SLC8A1: variants seen among roughly 807,000 people sequenced by gnomAD.
SLC8A1 encodes the protein sodium/calcium exchanger 1.
SLC8A1 carries 18 observed loss-of-function variants against 68.3 expected under a neutral mutation model. The ratio of observed to expected loss-of-function variants is 0.26; its 90% CI spans 0.18 to 0.39. The LOEUF (loss-of-function observed/expected upper bound fraction) is 0.39, where lower values mean the gene tolerates loss of function less well. Ranked by LOEUF, SLC8A1 falls within the 10% of genes least tolerant of loss-of-function variation. The pLI is 1.00. For missense variants in SLC8A1, 985 were observed against 1,156.7 expected (o/e 0.85, Z 2.15); for synonymous variants, 475 against 415.5 (o/e 1.14, Z -1.74).
At chr2:40,350,909 G>A (rs1435183058) in intron 2 of SLC8A1, among the ~76,000 whole-genome samples, 1 of 152,018 alleles carries the variant, frequency 6.6e-6, no homozygotes, top group Non-Finnish European at 1.5e-5. Flanking sequence ...AGAAAATTGG[G>A]GCTTTAAGAG....
chr2:40,482,919 T>C (rs1704728811), intron 1 of SLC8A1, among the ~76,000 whole-genome samples: 1 of 150,338 alleles, frequency 6.7e-6, no homozygotes, highest in Admixed American at 6.6e-5. Flanking sequence ...GCCTCCCGAG[T>C]AGCTGGGACT....
intron 2 of SLC8A1, among the ~76,000 whole-genome samples, chr2:40,365,474 T>A (rs960447871): frequency 5.3e-5 from 8 of 152,088 alleles, no homozygotes; most frequent in Non-Finnish European, 1.0e-4. Flanking sequence ...ATTTCACTTT[T>A]CACCTAACAA....
intron 2 of SLC8A1, among the ~76,000 whole-genome samples, chr2:40,390,276 C>T (rs903907411): frequency 6.6e-6 from 1 of 152,062 alleles, no homozygotes; most frequent in African/African-American, 2.4e-5. Flanking sequence ...TTGCAATTGT[C>T]ACTTGGCTTG....
At chr2:40,161,222 A>G (rs1255850055) in intron 5 of SLC8A1, among the ~76,000 whole-genome samples, 1 of 152,208 alleles carries the variant, frequency 6.6e-6, no homozygotes, top group African/African-American at 2.4e-5. Flanking sequence ...CAAGTGAATT[A>G]ACATATGCCC....
At position 40,461,535 on chromosome 2, in the gene SLC8A1, G is replaced by A. The variant is rs910405783; in HGVS notation, c.-24-31231C>T. ...GTGAAAAAACCCTTGCCCACTCCGC[G>A]CCCCTGCACAACCACCAGACATTTA... is the stretch of plus-strand genomic sequence containing the variant. On this transcript the variant is annotated intron_variant, in intron 1 of 7. Coordinates refer to the SLC8A1 transcript ENST00000402441. Among the ~76,000 whole-genome samples, 7 of 152,200 alleles carry A rather than the reference G, an allele frequency of 4.6e-5. No homozygotes were observed. The South Asian group carries it at 6.2e-4, about 14-fold the overall frequency.
At chr2:40,129,298 A>G (rs1249805374) in intron 7 of SLC8A1, among the ~76,000 whole-genome samples, 1 of 151,022 alleles carries the variant, frequency 6.6e-6, no homozygotes, top group East Asian at 1.9e-4. Context: ...TGGCATGATC[A>G]TGGCTCACTG....
intron 1 of SLC8A1, among the ~76,000 whole-genome samples, chr2:40,494,856 G>T (rs769837266): frequency 2.0e-5 from 3 of 150,868 alleles, no homozygotes; most frequent in Non-Finnish European, 3.0e-5. Flanking sequence ...AGGAACTGAG[G>T]AACAACACTT....
At chr2:40,275,782 G>A (rs1488463703) in intron 2 of SLC8A1, among the ~76,000 whole-genome samples, 1 of 152,162 alleles carries the variant, frequency 6.6e-6, no homozygotes, top group Non-Finnish European at 1.5e-5. Context: ...AATGAGGCAG[G>A]GCACAAGGCA....
At chr2:40,440,150 A>T (rs1700207746) in intron 1 of SLC8A1, among the ~76,000 whole-genome samples, 1 of 152,104 alleles carries the variant, frequency 6.6e-6, no homozygotes, top group Non-Finnish European at 1.5e-5. Flanking sequence ...GCATCTAGTG[A>T]ATATGTTCTT....
chr2:40,151,266 TGC>T (rs1225594255), intron 6 of SLC8A1, among the ~76,000 whole-genome samples: 1 of 104,236 alleles, frequency 9.6e-6, no homozygotes, highest in Non-Finnish European at 1.9e-5. Context: ...GTGTGTATGG[TGC>T]GTGTGTGTGT....
At chr2:40,187,161 T>C (rs973196246) in intron 2 of SLC8A1, among the ~76,000 whole-genome samples, 4 of 152,158 alleles carry the variant, frequency 2.6e-5, no homozygotes, top group African/African-American at 9.7e-5. Context: ...TAATGGGGCA[T>C]CCAAGTCCAG....
rs1694022747 is a variant in SLC8A1, at chr2:40,416,817, T to C, written c.1808+11656A>G. Among the ~76,000 whole-genome samples, 3 of 151,972 alleles carry C rather than the reference T, an allele frequency of 2.0e-5. No individual in the cohort carries two copies. In the South Asian group the frequency reaches 6.2e-4, roughly 32 times the overall value. ...CTATTTTATTAGGTTGGTGCAAAAG[T>C]AACTGCTGGTTTTAATTTAAAAGTA... On this transcript the variant is annotated intron_variant, in intron 2 of 7. Transcript: ENST00000406785.
intron 2 of SLC8A1, among the ~76,000 whole-genome samples, chr2:40,392,101 G>A (rs973069314): frequency 2.8e-5 from 4 of 144,400 alleles, no homozygotes; most frequent in African/African-American, 5.1e-5. Context: ...AAAAGAAAGC[G>A]AGAATGAACA....
intron 2 of SLC8A1, among the ~76,000 whole-genome samples, chr2:40,334,253 T>C (rs753086041): frequency 8.5e-5 from 13 of 152,190 alleles, no homozygotes; most frequent in Non-Finnish European, 1.9e-4. Context: ...TCCAATGTGA[T>C]GTTATCAATG....
At chr2:40,306,616 G>A (rs921990788) in intron 2 of SLC8A1, among the ~76,000 whole-genome samples, 1 of 152,146 alleles carries the variant, frequency 6.6e-6, no homozygotes. Flanking sequence ...GTTGCCAAAG[G>A]AAAGTGTGAC....
intron 2 of SLC8A1, among the ~76,000 whole-genome samples, chr2:40,287,846 C>T (rs1321055870): frequency 1.3e-5 from 2 of 152,026 alleles, no homozygotes; most frequent in Non-Finnish European, 2.9e-5. Flanking sequence ...CTGCTTGTCA[C>T]TCACAACACC....
chr2:40,215,984 G>C (rs964425862), intron 2 of SLC8A1, among the ~76,000 whole-genome samples: 74 of 147,206 alleles, frequency 5.0e-4, no homozygotes, highest in Non-Finnish European at 5.5e-4. Flanking sequence ...GTGATCATGG[G>C]TTGACATATA....
intron 2 of SLC8A1, among the ~76,000 whole-genome samples, chr2:40,416,746 T>G (rs1262604169): frequency 6.6e-6 from 1 of 152,112 alleles, no homozygotes; most frequent in African/African-American, 2.4e-5. Flanking sequence ...GACTCCTAAA[T>G]ACTTGTTTCC....
At chr2:40,468,583 TA>T (rs1265632781) in intron 1 of SLC8A1, among the ~76,000 whole-genome samples, 1 of 152,206 alleles carries the variant, frequency 6.6e-6, no homozygotes, top group Non-Finnish European at 1.5e-5. Flanking sequence ...CCAGTGTGCA[TA>T]AATCTTAATT....
Sources: allele counts gnomAD v4.1 joint callset (sites outside exome capture counted in the v4.1 genomes callset), GRCh38; gene constraint gnomAD v4.1.1; transcripts MANE v1.5; gene names NCBI Gene and HGNC (gene_info 2026-07-23, HGNC 2026-07-21).